Variants in SASH1 observed in about 807,000 individuals in gnomAD.
SASH1 encodes SAM and SH3 domain containing 1.
SASH1 carries 44 observed loss-of-function variants against 125.2 expected under a neutral mutation model. That is an observed-to-expected ratio of 0.35 (90% confidence interval 0.28 to 0.45). The LOEUF is 0.45. Ranked by LOEUF, SASH1 falls within the 20% of genes least tolerant of loss-of-function variation. The pLI is 1.00. For synonymous variants in SASH1, 639 were observed against 649.1 expected (o/e 0.98, Z 0.24); for missense variants, 1,426 against 1,614.5 (o/e 0.88, Z 2.00).
intron 1 of SASH1, among the ~76,000 whole-genome samples, chr6:148,357,965 C>T (rs1782010983): frequency 6.8e-6 from 1 of 146,464 alleles, no homozygotes; most frequent in Non-Finnish European, 1.5e-5. Context: ...GAGGGTGCGA[C>T]AGGAGAATCG....
chr6:148,320,776 A>G (rs991763007), intron 1 of SASH1, among the ~76,000 whole-genome samples: 2 of 152,124 alleles, frequency 1.3e-5, no homozygotes, highest in Non-Finnish European at 2.9e-5. Flanking sequence ...GAGCCACCGT[A>G]CCCAGACTTC....
intron 1 of SASH1, among the ~76,000 whole-genome samples, chr6:148,315,136 T>C (rs1780447471): frequency 6.6e-6 from 1 of 152,208 alleles, no homozygotes; most frequent in Non-Finnish European, 1.5e-5. Flanking sequence ...ATTACTGTTA[T>C]TAAATAGAAT....
chr6:148,409,243 A>G (rs1210290625), intron 2 of SASH1, among the ~76,000 whole-genome samples: 2 of 152,232 alleles, frequency 1.3e-5, no homozygotes, highest in Admixed American at 1.3e-4. Flanking sequence ...CATATGCCAT[A>G]GTGCCTTGTG....
chr6:148,314,277 C>G (rs1437281520), intron 1 of SASH1, among the ~76,000 whole-genome samples: 3 of 152,188 alleles, frequency 2.0e-5, no homozygotes, highest in African/African-American at 7.2e-5. Context: ...CAGCTACACA[C>G]TTCCCCACTC....
intron 1 of SASH1, among the ~76,000 whole-genome samples, chr6:148,387,668 CTTTCTTTCT>C (rs1562371676): frequency 1.4e-5 from 1 of 72,854 alleles, no homozygotes; most frequent in Non-Finnish European, 2.5e-5. Context: ...TTCTTTCTTT[CTTTCTTTCT>C]TTCTTTCTTT....
intron 2 of SASH1, among the ~76,000 whole-genome samples, chr6:148,422,275 A>G (rs1233036464): frequency 6.6e-6 from 1 of 152,228 alleles, no homozygotes; most frequent in East Asian, 1.9e-4. Flanking sequence ...GAGCATGGAG[A>G]TGAACTCTGT....
rs115527648 is a variant in SASH1 at position 148,534,867 on chromosome 6, C to T, written c.2061C>T (p.Leu687=). The part of the protein sequence containing the change: ...NIRDPEHRAV[L]LTAVELLQEY... ...GGGACCCGGAACACAGAGCTGTTCTCTTGACAGCAGTGGAGCTGTTACAAG... is the reference window on the plus strand; with the variant it reads ...GGGACCCGGAACACAGAGCTGTTCTTTTGACAGCAGTGGAGCTGTTACAAG... The change falls in exon 16 of 20, where the codon CTC becomes CTT. Residue 687 remains leucine, a synonymous_variant. Transcript: ENST00000367467. 4.5e-5 allele frequency: 73 copies of T among 1,614,254 alleles called. No individual in the cohort carries two copies. The African/African-American group carries it at 8.8e-4, about 19-fold the overall frequency.
At chr6:148,538,570 AAGT>A (rs1438663388) in intron 16 of SASH1, among the ~76,000 whole-genome samples, 1 of 152,092 alleles carries the variant, frequency 6.6e-6, no homozygotes, top group African/African-American at 2.4e-5. Context: ...GTCACTTTAA[AAGT>A]AGCACTCTTA....
chr6:148,479,835 T>G (rs1778534860), intron 7 of SASH1: 1 of 152,498 alleles, frequency 6.6e-6, no homozygotes, highest in Non-Finnish European at 1.5e-5. Flanking sequence ...ATCCAAGGCA[T>G]TCTCCAAACT....
intron 2 of SASH1, among the ~76,000 whole-genome samples, chr6:148,428,932 G>A (rs531203737): frequency 5.3e-5 from 8 of 152,208 alleles, no homozygotes; most frequent in Admixed American, 3.9e-4. Flanking sequence ...AGCTTATGGG[G>A]GTCCAGAACA....
intron 16 of SASH1, among the ~76,000 whole-genome samples, chr6:148,538,739 T>C (rs1330883571): frequency 6.6e-6 from 1 of 152,214 alleles, no homozygotes; most frequent in Non-Finnish European, 1.5e-5. Context: ...TTTGATGACC[T>C]GAGAAAAGGC....
chr6:148,448,438 T>C (rs1187379041), intron 4 of SASH1, among the ~76,000 whole-genome samples: 1 of 152,210 alleles, frequency 6.6e-6, no homozygotes, highest in Non-Finnish European at 1.5e-5. Flanking sequence ...AGTGGCTTCA[T>C]AGGAACCTAA....
chr6:148,393,220 A>ATT (rs11368072), intron 2 of SASH1, among the ~76,000 whole-genome samples: 4 of 126,922 alleles, frequency 3.2e-5, no homozygotes, highest in East Asian at 2.3e-4. Flanking sequence ...CTAATTTTGT[A>ATT]TTTTTTTTTT....
chr6:148,344,807 G>A (rs1333102780), intron 1 of SASH1, among the ~76,000 whole-genome samples: 4 of 151,110 alleles, frequency 2.6e-5, no homozygotes, highest in Non-Finnish European at 5.9e-5. Context: ...CCAGGCTGGG[G>A]TGCAGTGGCA....
chr6:148,342,521 T>G (rs1263574065), upstream of SASH1: 1 of 152,154 alleles, frequency 6.6e-6, no homozygotes, highest in Non-Finnish European at 1.5e-5. Context: ...GAGCCTGACA[T>G]CAGAGCACCT....
At chr6:148,415,379 C>T (rs1784784096) in intron 2 of SASH1, among the ~76,000 whole-genome samples, 1 of 152,152 alleles carries the variant, frequency 6.6e-6, no homozygotes, top group Non-Finnish European at 1.5e-5. Flanking sequence ...ATTTGCTTGA[C>T]ACAACCTGTT....
chr6:148,410,099 CTTTTT>C (rs869081496), intron 2 of SASH1, among the ~76,000 whole-genome samples: 21 of 55,738 alleles, frequency 3.8e-4, no homozygotes, highest in Middle Eastern at 0.015. Flanking sequence ...CAGAGCAGTC[CTTTTT>C]TTTTTTTTTT....
chr6:148,468,642 C>A (rs551145828), intron 5 of SASH1, 57 bp downstream of exon 5: 2 of 1,111,928 alleles, frequency 1.8e-6, no homozygotes, highest in East Asian at 2.6e-5. Context: ...TTATAGAAAA[C>A]ACGAATATGT....
intron 11 of SASH1, chr6:148,527,244 C>T: frequency 2.2e-6 from 1 of 461,086 alleles, no homozygotes; most frequent in Non-Finnish European, 3.7e-6. Context: ...AAAAGTGACT[C>T]ACATCCCACT....
Sources: allele counts gnomAD v4.1 joint callset (sites outside exome capture counted in the v4.1 genomes callset), GRCh38; gene constraint gnomAD v4.1.1; transcripts MANE v1.5; gene names NCBI Gene and HGNC (gene_info 2026-07-23, HGNC 2026-07-21).